The following PLXDC1 variants were observed in gnomAD, a reference collection of about 807,000 sequenced individuals.
The protein encoded by PLXDC1 is plexin domain-containing protein 1.
PLXDC1 carries 39 observed loss-of-function variants against 61.3 expected under a neutral mutation model. The observed-to-expected ratio is 0.64, with a 90% CI of 0.49 to 0.83. The LOEUF is 0.83. Ranked by LOEUF, PLXDC1 falls within the 40% of genes least tolerant of loss-of-function variation. PLXDC1 has a pLI of 0.00. For missense variants in PLXDC1, 596 were observed against 666.5 expected, an observed-to-expected ratio of 0.89 and a Z score of 1.17; for synonymous variants, 212 against 254.5, an observed-to-expected ratio of 0.83 and a Z score of 1.59.
rs753907362 is a variant in PLXDC1 at position 39,108,110 on chromosome 17, G to T, written c.592+13C>A. 1.2e-6 allele frequency: 2 copies of T among 1,614,140 alleles called. No individual in the cohort carries two copies. The highest frequency in any genetic ancestry group is 8.5e-7 in the Non-Finnish European group (1 of 1,180,008). ...TGGAGCTGGGTGACTTAAATTCTGAGATCCAGTCTCACCATTGTCAAAGTA... is the reference window on the plus strand; with the variant it reads ...TGGAGCTGGGTGACTTAAATTCTGATATCCAGTCTCACCATTGTCAAAGTA... On this transcript the variant is annotated intron_variant, in intron 5 of 13. Transcript: ENST00000315392.
intron 7 of PLXDC1, among the ~76,000 whole-genome samples, chr17:39,092,031 C>G (rs62076620): frequency 0.33 from 49,671 of 149,962 alleles, 8,784 homozygotes; most frequent in Admixed American, 0.44. Flanking sequence ...GAGGTTCAGA[C>G]AGATTAACCC....
intron 2 of PLXDC1, among the ~76,000 whole-genome samples, chr17:39,128,826 T>C (rs141182497): frequency 0.016 from 2,431 of 148,526 alleles, 60 homozygotes; most frequent in African/African-American, 0.057. Flanking sequence ...CTGGCTAACA[T>C]GGTGAAACCC....
At position 39,066,002 on chromosome 17, in the gene PLXDC1, T is replaced by G. The variant is rs1005385365; in HGVS notation, c.*1838A>C. 1 of 152,354 alleles carries G rather than the reference T, an allele frequency of 6.6e-6. No homozygotes were observed. The highest frequency in any genetic ancestry group is 2.4e-5 in the African/African-American group (1 of 41,452). The allele number at this position is 152,354 out of a possible 1,614,324, so 9.4% of individuals were successfully genotyped here. ...CCTGTCTCAAAAAAAGTCCCTCCCA[T>G]GCCAGCTGCCTGTGTCCCAACCACT... is the stretch of plus-strand genomic sequence containing the variant. On this transcript the variant is annotated 3_prime_UTR_variant, in exon 14 of 14. Transcript: ENST00000315392.
At chr17:39,108,396 G>A in intron 4 of PLXDC1, 151 bp from the exon 5 acceptor site, 2 of 772,914 alleles carry the variant, frequency 2.6e-6, no homozygotes, top group Non-Finnish European at 4.3e-6. Context: ...CGGGCTCTGG[G>A]TCTGGTGTGT....
In PLXDC1 at chr17:39,105,436, A is replaced by G. The variant is rs553149244; in HGVS notation, c.811+418T>C. On this transcript the variant is annotated intron_variant, in intron 7 of 13. Coordinates refer to ENST00000315392, the MANE Select transcript of PLXDC1 (RefSeq NM_020405.5). ...GAGATGATGTGGTTTGCTGAAGGAC[A>G]GGGAGGTAACAGCATGGCCGAGGCT... 5.7e-3 allele frequency among the ~76,000 whole-genome samples: 867 copies of G among 152,292 alleles called. 5 individuals are homozygous for G. Among genetic ancestry groups the G allele is most frequent in the Non-Finnish European group, 7.2e-3 (487 of 68,018 alleles).
At chr17:39,119,045 T>G (rs1019893016) in intron 2 of PLXDC1, among the ~76,000 whole-genome samples, 1 of 152,234 alleles carries the variant, frequency 6.6e-6, no homozygotes, top group Non-Finnish European at 1.5e-5. Context: ...GATGAATTAA[T>G]GAAAAGGAGG....
chr17:39,112,567 T>C (rs1768242087), intron 2 of PLXDC1, among the ~76,000 whole-genome samples: 1 of 151,392 alleles, frequency 6.6e-6, no homozygotes, highest in African/African-American at 2.4e-5. Flanking sequence ...AGGCAATTAT[T>C]ATGCCTCAGC....
In PLXDC1 at chr17:39,097,741, T is replaced by TAAAC. The variant is rs577404345; in HGVS notation, c.811+8112_811+8113insGTTT. 3.8e-3 allele frequency among the ~76,000 whole-genome samples: 573 copies of TAAAC among 150,180 alleles called. 8 individuals carry two copies. The highest frequency in any genetic ancestry group is 0.013 in the African/African-American group (527 of 41,008). On this transcript the variant is annotated intron_variant, in intron 7 of 13. Transcript: ENST00000315392. Reference sequence around the variant, plus strand: ...ATAAATAAATAAATAAATAAATAAATAAATAAATAAATAAGCTGGGCATGG... The same window carrying TAAAC: ...ATAAATAAATAAATAAATAAATAAATAAACAAATAAATAAATAAGCTGGGCATGG...
intron 7 of PLXDC1, among the ~76,000 whole-genome samples, chr17:39,095,029 C>A (rs1910096903): frequency 6.6e-6 from 1 of 152,188 alleles, no homozygotes; most frequent in Admixed American, 6.5e-5. Context: ...GAACTGAGTT[C>A]GAGGATAGAG....
chr17:39,072,211 C>T, intron 12 of PLXDC1: 2 of 559,930 alleles, frequency 3.6e-6, no homozygotes, highest in Non-Finnish European at 6.4e-6. Context: ...GGAGAAGAAC[C>T]ACAGGAGGTT....
chr17:39,112,459 T>TTC (rs1215534048), intron 2 of PLXDC1, among the ~76,000 whole-genome samples: 3 of 144,318 alleles, frequency 2.1e-5, no homozygotes, highest in African/African-American at 7.7e-5. Context: ...TTTTCTTTCT[T>TTC]TTTTTTTTTT....
chr17:39,097,017 T>G (rs543526866), intron 7 of PLXDC1: 5 of 471,106 alleles, frequency 1.1e-5, no homozygotes, highest in African/African-American at 4.0e-5. Context: ...AGAACTCTTG[T>G]GGTTTTCAGC....
chr17:39,087,062 G>A lies in PLXDC1; in HGVS notation c.907+545C>T, dbSNP rs373177145. On this transcript the variant is annotated intron_variant, in intron 8 of 13. Coordinates refer to ENST00000315392, the MANE Select transcript of PLXDC1 (RefSeq NM_020405.5). ...CCCCATCCCGAAGAGCATCCACCGC[G>A]GATCCTGTGGGCTCCACAACAGCAG... Among the ~76,000 whole-genome samples the A allele has an allele frequency of 6.6e-4, 100 of 152,208 alleles. 1 individual carries two copies. Among genetic ancestry groups the A allele is most frequent in the East Asian group, 1.9e-3 (10 of 5,168 alleles).
At chr17:39,140,391 C>T (rs1170048339) in intron 1 of PLXDC1, among the ~76,000 whole-genome samples, 3 of 152,238 alleles carry the variant, frequency 2.0e-5, no homozygotes, top group Non-Finnish European at 2.9e-5. Context: ...CTGCAAGCTC[C>T]GCCTCCAGGG....
At chr17:39,074,327 G>A (rs556598403) in intron 11 of PLXDC1, among the ~76,000 whole-genome samples, 1 of 152,154 alleles carries the variant, frequency 6.6e-6, no homozygotes, top group Non-Finnish European at 1.5e-5. Context: ...AACATAGCAA[G>A]ATCCTGTTCC....
intron 12 of PLXDC1, chr17:39,072,212 A>T: frequency 1.8e-6 from 1 of 562,034 alleles, no homozygotes; most frequent in Non-Finnish European, 3.2e-6. Context: ...GAGAAGAACC[A>T]CAGGAGGTTC....
At chr17:39,073,453 A>T (rs960801781) in intron 11 of PLXDC1, 61 of 152,262 alleles carry the variant, frequency 4.0e-4, no homozygotes, top group African/African-American at 1.4e-3. Flanking sequence ...ATTTGAATCA[A>T]CTTGTTGCAA....
intron 2 of PLXDC1, among the ~76,000 whole-genome samples, chr17:39,128,107 A>ATATATATATATATATATATATATG (rs1291982693): frequency 4.0e-5 from 4 of 100,626 alleles, no homozygotes; most frequent in African/African-American, 1.7e-4. Context: ...GTATATATAT[A>ATATATATATATATATATATATATG]TATATATGTA....
chr17:39,120,959 G>A (rs1158133306), intron 2 of PLXDC1, among the ~76,000 whole-genome samples: 2 of 152,038 alleles, frequency 1.3e-5, no homozygotes, highest in Non-Finnish European at 2.9e-5. Flanking sequence ...TAGAGACAGG[G>A]TTGGGATTAC....
Sources: allele counts gnomAD v4.1 joint callset (sites outside exome capture counted in the v4.1 genomes callset), GRCh38; gene constraint gnomAD v4.1.1; transcripts MANE v1.5; gene names NCBI Gene and HGNC (gene_info 2026-07-23, HGNC 2026-07-21).